The following LEPR variants were observed in gnomAD, a reference collection of about 807,000 sequenced individuals.
The protein encoded by LEPR is OB receptor.
In LEPR, 56 loss-of-function variants were observed where a neutral mutation model predicts 114.7. The observed-to-expected ratio is 0.49, with a 90% CI of 0.39 to 0.61. The LOEUF (loss-of-function observed/expected upper bound fraction) is 0.61, where lower values mean the gene tolerates loss of function less well. LEPR is among the 20% of genes least tolerant of loss of function. The pLI, the probability that LEPR is intolerant of heterozygous loss-of-function variation, is 0.00. For missense variants in LEPR, 1,202 were observed against 1,352.9 expected, an observed-to-expected ratio of 0.89 and a Z score of 1.75; for synonymous variants, 443 against 461.4, an observed-to-expected ratio of 0.96 and a Z score of 0.51.
intron 6 of LEPR, among the ~76,000 whole-genome samples, chr1:65,595,514 GC>G (rs147948724): frequency 0.037 from 5,587 of 152,076 alleles, 344 homozygotes; most frequent in African/African-American, 0.13. Context: ...TTTGTGTTTA[GC>G]TGTCTCTGCT....
chr1:65,476,754 C>T (rs1308106802), intron 2 of LEPR, among the ~76,000 whole-genome samples: 1 of 152,134 alleles, frequency 6.6e-6, no homozygotes, highest in Non-Finnish European at 1.5e-5. Flanking sequence ...TATAATTCTT[C>T]AGTAACCCAA....
intron 5 of LEPR, among the ~76,000 whole-genome samples, chr1:65,590,136 A>G (rs755278118): frequency 1.1e-4 from 17 of 151,812 alleles, no homozygotes; most frequent in Non-Finnish European, 2.4e-4. Flanking sequence ...GATCCTAAAC[A>G]TCTTTTGTCA....
intron 2 of LEPR, among the ~76,000 whole-genome samples, chr1:65,488,258 TTTCTTTCTC>T (rs1296306689): frequency 7.7e-6 from 1 of 129,944 alleles, no homozygotes; most frequent in African/African-American, 3.0e-5. Context: ...CTTTCTTTCT[TTTCTTTCTC>T]TTTCCTCTTT....
chr1:65,622,988 T>C lies in LEPR; in HGVS notation c.2673+7T>C. ...AGGACTTAATTTTCAGAAGGTTGCT[T>C]TTTCAATTTTTTTTAACCCAGAATA... On this transcript the variant is annotated splice_region_variant and intron_variant, in intron 19 of 19. Coordinates refer to ENST00000349533, the MANE Select transcript of LEPR (RefSeq NM_002303.6). The C allele has an allele frequency of 6.2e-7, 1 of 1,613,404 alleles. No homozygotes were observed. The highest frequency in any genetic ancestry group is 2.2e-5 in the East Asian group (1 of 44,828).
intron 2 of LEPR, among the ~76,000 whole-genome samples, chr1:65,541,660 T>A (rs185597202): frequency 9.8e-5 from 15 of 152,314 alleles, no homozygotes; most frequent in Admixed American, 7.8e-4. Flanking sequence ...TATATTTATT[T>A]TGTTAAATTT....
chr1:65,575,093 G>A (rs1197012335), intron 5 of LEPR, among the ~76,000 whole-genome samples: 1 of 152,176 alleles, frequency 6.6e-6, no homozygotes, highest in Non-Finnish European at 1.5e-5. Flanking sequence ...ACCAACTGCT[G>A]CTGCCCAGGT....
intron 2 of LEPR, among the ~76,000 whole-genome samples, chr1:65,488,604 C>G (rs1482462950): frequency 6.6e-6 from 1 of 151,996 alleles, no homozygotes; most frequent in Non-Finnish European, 1.5e-5. Flanking sequence ...GCTAGGATTA[C>G]AGGTGTGAGC....
intron 5 of LEPR, among the ~76,000 whole-genome samples, chr1:65,583,548 A>C (rs186556882): frequency 6.6e-6 from 1 of 152,284 alleles, no homozygotes; most frequent in Non-Finnish European, 1.5e-5. Flanking sequence ...TCAAGGCTAC[A>C]CTATACTATT....
intron 15 of LEPR, 138 bp from the exon 16 acceptor site, chr1:65,617,826 T>C (rs1013838592): frequency 2.5e-6 from 2 of 811,330 alleles, no homozygotes; most frequent in Non-Finnish European, 1.8e-6. Flanking sequence ...AAAGTAATTG[T>C]CATGTATCAT....
chr1:65,446,265 T>C (rs1646712723), intron 2 of LEPR, among the ~76,000 whole-genome samples: 1 of 152,216 alleles, frequency 6.6e-6, no homozygotes. Context: ...CATCAGTAAA[T>C]AGAATTGTCA....
intron 2 of LEPR, among the ~76,000 whole-genome samples, chr1:65,492,974 T>C (rs552317684): frequency 7.2e-5 from 11 of 152,174 alleles, no homozygotes; most frequent in Non-Finnish European, 1.5e-4. Context: ...TAGGTATTAA[T>C]CGTCCATCTT....
At chr1:65,472,188 G>A (rs546570168) in intron 2 of LEPR, among the ~76,000 whole-genome samples, 1 of 151,280 alleles carries the variant, frequency 6.6e-6, no homozygotes, top group Non-Finnish European at 1.5e-5. Context: ...CCAAACATCC[G>A]TTTTTTTTAA....
rs961840898 is a variant in LEPR at position 65,433,074 on chromosome 1, CAGCCCCTGCGTT to C, written c.-21+7700_-21+7711del. ...GCGGGCAGGGAGGCTGGGCTCGAGC[CAGCCCCTGCGTT>C]AGCAGGAGGGGGAGAACAGATAGGT... On this transcript the variant is annotated intron_variant, in intron 2 of 19. Transcript: ENST00000349533. 6 of 985,228 alleles carry C rather than the reference CAGCCCCTGCGTT, an allele frequency of 6.1e-6. No individual in the cohort carries two copies. In the African/African-American group the frequency reaches 1.0e-4, roughly 17 times the overall value. 61.0% of individuals were successfully genotyped at this position (985,228 alleles called of 1,614,324 possible). A position where few individuals can be genotyped will look rare whatever the true frequency, so the allele number is the denominator to read the frequency against.
chr1:65,525,511 G>T (rs867021568), intron 2 of LEPR: 68 of 524,506 alleles, frequency 1.3e-4, no homozygotes, highest in Non-Finnish European at 1.6e-4. Flanking sequence ...CCACCTGCGC[G>T]ACCGCCCTAG....
intron 2 of LEPR, among the ~76,000 whole-genome samples, chr1:65,511,579 A>G (rs1451331747): frequency 6.6e-6 from 1 of 152,214 alleles, no homozygotes; most frequent in East Asian, 1.9e-4. Context: ...ATGTGCTAAG[A>G]ACTGATTTAA....
At position 65,638,349 on chromosome 1, in the gene LEPR, T is replaced by A. The variant is rs1658782652; in HGVS notation, c.*1334T>A. On this transcript the variant is annotated 3_prime_UTR_variant, in exon 20 of 20. Transcript: ENST00000349533. The stretch of plus-strand genomic sequence containing the variant: ...TACATAAGTTTATTATTTATTCAAC[T>A]TTTGGTACGGTAAAAAAATTCAAAG... The A allele has an allele frequency of 6.6e-6, 1 of 152,230 alleles. No individual in the cohort carries two copies. Among genetic ancestry groups the A allele is most frequent in the Non-Finnish European group, 1.5e-5 (1 of 68,050 alleles). 9.4% of individuals were successfully genotyped at this position (152,230 alleles called of 1,614,324 possible).
chr1:65,533,208 A>G (rs1008388409), intron 2 of LEPR, among the ~76,000 whole-genome samples: 1 of 152,166 alleles, frequency 6.6e-6, no homozygotes, highest in Non-Finnish European at 1.5e-5. Flanking sequence ...GGAAGAACTC[A>G]GTATATGGAG....
intron 2 of LEPR, among the ~76,000 whole-genome samples, chr1:65,442,829 A>G (rs1330843680): frequency 6.6e-6 from 1 of 152,214 alleles, no homozygotes; most frequent in African/African-American, 2.4e-5. Context: ...ATCGGCACAG[A>G]TGTGACATTT....
intron 2 of LEPR, among the ~76,000 whole-genome samples, chr1:65,519,847 A>C (rs559586507): frequency 6.6e-6 from 1 of 151,878 alleles, no homozygotes; most frequent in African/African-American, 2.4e-5. Flanking sequence ...TTACAAAAAA[A>C]AATGTTTTTT....
Sources: allele counts gnomAD v4.1 joint callset (sites outside exome capture counted in the v4.1 genomes callset), GRCh38; gene constraint gnomAD v4.1.1; transcripts MANE v1.5; gene names NCBI Gene and HGNC (gene_info 2026-07-23, HGNC 2026-07-21).